ADARB2: variants seen among roughly 807,000 people sequenced by gnomAD.
ADARB2 encodes the protein adenosine deaminase RNA specific B2 (inactive).
Under a neutral mutation model 62.2 loss-of-function variants are expected in ADARB2, and 25 were observed. The ratio of observed to expected loss-of-function variants is 0.40; its 90% CI spans 0.29 to 0.56. The LOEUF is 0.56. Ranked by LOEUF, ADARB2 falls within the 20% of genes least tolerant of loss-of-function variation. The pLI, the probability that ADARB2 is intolerant of heterozygous loss-of-function variation, is 0.43. For synonymous variants in ADARB2, 572 were observed against 500.8 expected (o/e 1.14, Z -1.90); for missense variants, 1,071 against 1,077.4 (o/e 0.99, Z 0.08).
chr10:1,418,702 C>T (rs1236930248), intron 1 of ADARB2, among the ~76,000 whole-genome samples: 3 of 152,168 alleles, frequency 2.0e-5, no homozygotes, highest in African/African-American at 4.8e-5. Flanking sequence ...ACTATTTCCT[C>T]CTCAGTGCCC....
chr10:1,205,684 G>T (rs1837046161), intron 7 of ADARB2, among the ~76,000 whole-genome samples: 1 of 152,284 alleles, frequency 6.6e-6, no homozygotes. Context: ...GGGAAGCACA[G>T]CCTCACCAGA....
chr10:1,667,757 G>T (rs1022613370), intron 1 of ADARB2, among the ~76,000 whole-genome samples: 2 of 152,076 alleles, frequency 1.3e-5, no homozygotes, highest in Admixed American at 6.5e-5. Context: ...AGGTATTTTG[G>T]GTTACTCATA....
At chr10:1,328,324 G>A (rs1470484075) in intron 3 of ADARB2, among the ~76,000 whole-genome samples, 1 of 152,224 alleles carries the variant, frequency 6.6e-6, no homozygotes, top group Non-Finnish European at 1.5e-5. Context: ...GCAGTGGAGG[G>A]TGGAAGGGAT....
At chr10:1,538,141 C>A (rs2131965710) in intron 1 of ADARB2, among the ~76,000 whole-genome samples, 1 of 152,320 alleles carries the variant, frequency 6.6e-6, no homozygotes, top group East Asian at 1.9e-4. Context: ...ATGTACTGAG[C>A]ACCTGCCTGC....
intron 1 of ADARB2, among the ~76,000 whole-genome samples, chr10:1,653,518 C>T (rs1564359132): frequency 6.6e-6 from 1 of 152,014 alleles, no homozygotes; most frequent in African/African-American, 2.4e-5. Context: ...CCTGCAGAGC[C>T]GCAGTCTCCA....
At chr10:1,666,753 C>T (rs1023280424) in intron 1 of ADARB2, among the ~76,000 whole-genome samples, 5 of 152,176 alleles carry the variant, frequency 3.3e-5, no homozygotes, top group Non-Finnish European at 7.4e-5. Flanking sequence ...CACCCATAGG[C>T]TCTGACATGT....
Position 1,330,184 on chromosome 10 carries a change from G to A in ADARB2, c.1077+32844C>T, listed in dbSNP as rs140622539. ...GTCAGGGTCGATTCAGCCATGGGCC[G>A]TCCTAGGGTGTTGGCAGGCATCTGA... is the stretch of plus-strand genomic sequence containing the variant. On this transcript the variant is annotated intron_variant, in intron 3 of 9. Coordinates refer to ENST00000381312, the MANE Select transcript of ADARB2 (RefSeq NM_018702.4). Among the ~76,000 whole-genome samples, 328 of 152,176 alleles carry A rather than the reference G, an allele frequency of 2.2e-3. 3 individuals are homozygous for A. Among genetic ancestry groups the A allele is most frequent in the African/African-American group, 7.1e-3 (294 of 41,524 alleles).
intron 3 of ADARB2, among the ~76,000 whole-genome samples, chr10:1,327,373 C>T (rs563612500): frequency 8.1e-5 from 4 of 49,150 alleles, no homozygotes; most frequent in Non-Finnish European, 1.2e-4. Context: ...CAGCGCCTCC[C>T]CACGGCACAG....
intron 6 of ADARB2, among the ~76,000 whole-genome samples, chr10:1,226,009 C>T (rs1230248322): frequency 9.9e-5 from 15 of 152,152 alleles, no homozygotes; most frequent in Admixed American, 8.5e-4. Context: ...GAGTGTTTTC[C>T]AACTTGGTTC....
intron 4 of ADARB2, among the ~76,000 whole-genome samples, chr10:1,256,436 T>A: frequency 6.6e-6 from 1 of 152,168 alleles, no homozygotes; most frequent in East Asian, 1.9e-4. Context: ...GGGGCCTGAA[T>A]GGCGCCTGCC....
chr10:1,653,555 CACA>C (rs1834139825), intron 1 of ADARB2, among the ~76,000 whole-genome samples: 8 of 148,268 alleles, frequency 5.4e-5, no homozygotes, highest in South Asian at 2.1e-4. Flanking sequence ...CCTGCAGAGC[CACA>C]GTCTCCACCC....
chr10:1,734,674 G>A (rs888754443), intron 1 of ADARB2, among the ~76,000 whole-genome samples: 2 of 152,160 alleles, frequency 1.3e-5, no homozygotes, highest in African/African-American at 4.8e-5. Context: ...TCCCCCATAA[G>A]AACAGCCCTT....
chr10:1,557,710 C>T (rs1468328928), intron 1 of ADARB2, among the ~76,000 whole-genome samples: 1 of 152,102 alleles, frequency 6.6e-6, no homozygotes, highest in African/African-American at 2.4e-5. Flanking sequence ...TCGAGACCAG[C>T]CTGACCAACA....
intron 3 of ADARB2, among the ~76,000 whole-genome samples, chr10:1,289,865 C>G (rs1831449047): frequency 6.6e-6 from 1 of 152,260 alleles, no homozygotes; most frequent in Admixed American, 6.5e-5. Context: ...CAAACAATAG[C>G]CTCTGGCCTG....
intron 1 of ADARB2, among the ~76,000 whole-genome samples, chr10:1,465,385 G>A (rs1831241224): frequency 6.6e-6 from 1 of 152,250 alleles, no homozygotes. Context: ...TGAAACCTCA[G>A]CCAAGGTGAA....
At chr10:1,449,505 C>G (rs996574602) in intron 1 of ADARB2, among the ~76,000 whole-genome samples, 3 of 152,242 alleles carry the variant, frequency 2.0e-5, no homozygotes, top group Non-Finnish European at 4.4e-5. Context: ...TTCCTCTCCC[C>G]TAATTCCTTT....
chr10:1,442,096 T>C (rs1470080254), intron 1 of ADARB2, among the ~76,000 whole-genome samples: 1 of 152,206 alleles, frequency 6.6e-6, no homozygotes, highest in Admixed American at 6.5e-5. Flanking sequence ...CCCCATGGGG[T>C]ATATTACGCT....
At chr10:1,618,302 A>G (rs571008739) in intron 1 of ADARB2, among the ~76,000 whole-genome samples, 208 of 152,356 alleles carry the variant, frequency 1.4e-3, no homozygotes, top group African/African-American at 4.7e-3. Flanking sequence ...CTGCCATTCA[A>G]CAACCCCAAA....
chr10:1,429,268 C>G (rs1265389784), intron 1 of ADARB2, among the ~76,000 whole-genome samples: 1 of 152,236 alleles, frequency 6.6e-6, no homozygotes, highest in African/African-American at 2.4e-5. Flanking sequence ...TTGCACAAAT[C>G]TCATAATCAA....
Sources: allele counts gnomAD v4.1 joint callset (sites outside exome capture counted in the v4.1 genomes callset), GRCh38; gene constraint gnomAD v4.1.1; transcripts MANE v1.5; gene names NCBI Gene and HGNC (gene_info 2026-07-23, HGNC 2026-07-21).